Variants in ZNF219 observed in about 807,000 individuals in gnomAD.
ZNF219 encodes the protein zinc finger protein 219.
ZNF219 carries 17 observed loss-of-function variants against 54.4 expected under a neutral mutation model. The observed-to-expected ratio is 0.31, with a 90% CI of 0.21 to 0.47. ZNF219 has a LOEUF of 0.47. Ranked by LOEUF, ZNF219 falls within the 20% of genes least tolerant of loss-of-function variation. The pLI is 1.00. For synonymous variants in ZNF219, 518 were observed against 476.4 expected, an observed-to-expected ratio of 1.09 and a Z score of -1.14; for missense variants, 1,014 against 1,062.3, an observed-to-expected ratio of 0.95 and a Z score of 0.63.
upstream of ZNF219, chr14:21,098,656 G>A (rs1039578835): frequency 3.9e-6 from 4 of 1,026,864 alleles, no homozygotes; most frequent in East Asian, 2.2e-4. Context: ...GTTTGGAGAC[G>A]GGGGGCGCTG....
upstream of ZNF219, chr14:21,101,388 T>G (rs949191569): frequency 8.4e-6 from 13 of 1,551,632 alleles, no homozygotes; most frequent in Admixed American, 2.5e-4. Flanking sequence ...GACACAGCCT[T>G]CGTCTGGAAA....
chr14:21,103,375 C>CT (rs980856772), upstream of ZNF219: 6 of 1,437,074 alleles, frequency 4.2e-6, no homozygotes, highest in African/African-American at 8.6e-5. Context: ...AAAGCAGGCC[C>CT]TTTTTTCGTT....
At chr14:21,104,072 C>T (rs1280914590) in intron 1 of ZNF219, 2 of 152,352 alleles carry the variant, frequency 1.3e-5, no homozygotes, top group Non-Finnish European at 2.9e-5. Flanking sequence ...AGCGCGGGGC[C>T]TTTCTCGTCC....
intron 1 of ZNF219, among the ~76,000 whole-genome samples, chr14:21,095,739 AT>A (rs879349205): frequency 2.7e-4 from 41 of 150,720 alleles, no homozygotes; most frequent in South Asian, 1.7e-3. Context: ...AAGCTAGAGC[AT>A]TTTTTTTTCG....
chr14:21,100,854 G>A (rs1393849434), upstream of ZNF219, among the ~76,000 whole-genome samples: 1 of 152,142 alleles, frequency 6.6e-6, no homozygotes, highest in African/African-American at 2.4e-5. Context: ...GGAAATGAGG[G>A]GGAATTGAGG....
upstream of ZNF219, chr14:21,103,381 T>C: frequency 7.0e-7 from 1 of 1,426,546 alleles, no homozygotes; most frequent in Non-Finnish European, 9.2e-7. Flanking sequence ...GGCCCTTTTT[T>C]CGTTCCTTCC....
intron 1 of ZNF219, chr14:21,094,621 C>T (rs1275199445): frequency 3.8e-6 from 1 of 263,674 alleles, no homozygotes. Context: ...ATGCTCTGAG[C>T]AGGAAAGGGT....
chr14:21,104,320 G>A (rs1230557925), intron 1 of ZNF219: 1 of 152,328 alleles, frequency 6.6e-6, no homozygotes, highest in African/African-American at 2.4e-5. Context: ...GGCTGCGGTC[G>A]GGTTGCTGAA....
upstream of ZNF219, chr14:21,103,967 G>A (rs1317320352): frequency 6.6e-6 from 1 of 152,404 alleles, no homozygotes; most frequent in East Asian, 1.9e-4. Context: ...GGGCTTCCCA[G>A]ATGCTGTCGC....
At position 21,098,335 on chromosome 14, in the gene ZNF219, A is replaced by AG. The variant is rs1889416282; in HGVS notation, c.-108dup. On this transcript the variant is annotated 5_prime_UTR_variant, in exon 1 of 5. An upstream open reading frame in the 5' UTR loses its in-frame stop. Transcript: ENST00000360947. ...ACGAGCCCCGGGCGGGCGGCGGCGG[A>AG]GCGGGCGGCGGCGGCGGCGGCGGCG... 4.5e-6 allele frequency: 1 copy of AG among 222,712 alleles called. No individual in the cohort carries two copies. Among genetic ancestry groups the AG allele is most frequent in the African/African-American group, 2.6e-5 (1 of 38,956 alleles). The allele number at this position is 222,712 out of a possible 1,614,324, so 13.8% of individuals were successfully genotyped here.
intron 1 of ZNF219, chr14:21,104,059 A>T (rs1337432878): frequency 6.6e-6 from 1 of 152,306 alleles, no homozygotes; most frequent in Non-Finnish European, 1.5e-5. Flanking sequence ...ATGATGAGTC[A>T]GAAGCGCGGG....
upstream of ZNF219, chr14:21,102,077 G>A (rs770551710): frequency 6.4e-7 from 1 of 1,551,382 alleles, no homozygotes; most frequent in South Asian, 1.2e-5. Context: ...CTCCTCACTG[G>A]GACTGTCACT....
Position 21,090,908 on chromosome 14 carries a change from G to C in ZNF219, c.1797C>G (p.Ser599Arg). The C allele has an allele frequency of 3.2e-6, 5 of 1,549,752 alleles. No individual in the cohort carries two copies. Among genetic ancestry groups the C allele is most frequent in the Non-Finnish European group, 4.3e-6 (5 of 1,151,202 alleles). ...TCCGACGGGACCCCGGCCCAGCACC[G>C]CTAGAAGGAGGCCGGGGACTTGAGG... is the stretch of plus-strand genomic sequence containing the variant. The part of the protein sequence containing the change: ...EGASSPRPPS[S>R]GAGPGSRRKP... The change falls in exon 5 of 5, where the codon AGC (serine) becomes AGG (arginine). Residue 599 changes from serine (S) to arginine (R), a missense_variant. By Grantham distance (110) the Ser-to-Arg change is moderately radical. This residue lies in a region of ZNF219 where 281 missense variants were observed against 271.2 expected (regional missense o/e 1.04). Coordinates refer to ENST00000360947, the MANE Select transcript of ZNF219 (RefSeq NM_016423.3). This position sits in a 1 kb window ranked among gnomAD's most constrained non-coding sequence, Gnocchi z 4.4.
At chr14:21,101,764 C>G, upstream of ZNF219, 1 of 924,242 alleles carries the variant, frequency 1.1e-6, no homozygotes, top group Non-Finnish European at 1.6e-6. Context: ...TTCCTCCACC[C>G]TGCATTCAAT....
intron 1 of ZNF219, chr14:21,104,035 G>T (rs1262790560): frequency 6.6e-6 from 1 of 152,300 alleles, no homozygotes; most frequent in Non-Finnish European, 1.5e-5. Flanking sequence ...GCGCGCGCGA[G>T]AAAGGGGTTG....
upstream of ZNF219, chr14:21,103,167 G>A: frequency 6.4e-7 from 1 of 1,551,672 alleles, no homozygotes; most frequent in South Asian, 1.2e-5. Context: ...GAGGTTCCTG[G>A]TTTGGAGAAT....
chr14:21,091,940 G>A lies in ZNF219; in HGVS notation c.1357C>T (p.His453Tyr), dbSNP rs773334263. ...CCCGGTCCCTCACCCGGGCGCGGGT[G>A]CAGGGAAGCCAGAGAGCCCAGCGAC... ...GRSLGSLASL[H>Y]PRPGEGPGHS... Residue 453 changes from histidine to tyrosine, a missense_variant, in exon 3 of 5, where the codon CAC (histidine) becomes TAC (tyrosine). Transcript: ENST00000360947. 6.2e-7 allele frequency: 1 copy of A among 1,604,362 alleles called. No homozygotes were observed. The highest frequency in any genetic ancestry group is 8.5e-7 in the Non-Finnish European group (1 of 1,176,510).
intron 3 of ZNF219, 40 bp downstream of exon 3, chr14:21,091,825 A>T: frequency 6.7e-7 from 1 of 1,488,410 alleles, no homozygotes; most frequent in Non-Finnish European, 8.9e-7. Flanking sequence ...GAGTCAGAGG[A>T]GGACGCGGCG....
At chr14:21,096,612 C>T (rs1221792997) in intron 1 of ZNF219, among the ~76,000 whole-genome samples, 1 of 152,190 alleles carries the variant, frequency 6.6e-6, no homozygotes, top group Non-Finnish European at 1.5e-5. Flanking sequence ...CTTTCCACCC[C>T]CACTGGGAAT....
Sources: gnomAD v4.1 joint callset for allele counts (sites outside exome capture counted in the v4.1 genomes callset) on GRCh38, gnomAD v4.1.1 for gene constraint, gnomAD v4.1.1 regional missense constraint, Gnocchi (gnomAD v3.1) non-coding constraint, MANE v1.5 for transcripts, NCBI Gene and HGNC (gene_info 2026-07-23, HGNC 2026-07-21) for gene names.